Variants in DSCAM observed in about 807,000 individuals in gnomAD.
The protein encoded by DSCAM is cell adhesion molecule DSCAM.
DSCAM carries 47 observed loss-of-function variants against 217.7 expected under a neutral mutation model. The observed-to-expected ratio is 0.22, with a 90% CI of 0.17 to 0.28. The LOEUF is 0.28. DSCAM is among the 10% of genes least tolerant of loss of function. The probability of loss-of-function intolerance (pLI) is 1.00; values close to 1 mark genes in which losing one functional copy is unlikely to be tolerated. For synonymous variants in DSCAM, 1,056 were observed against 1,015.3 expected (o/e 1.04, Z -0.76); for missense variants, 2,080 against 2,618.3 (o/e 0.79, Z 4.49).
intron 3 of DSCAM, among the ~76,000 whole-genome samples, chr21:40,498,261 G>C (rs1483591549): frequency 6.6e-6 from 1 of 152,020 alleles, no homozygotes; most frequent in Non-Finnish European, 1.5e-5. Flanking sequence ...CCACCATTAC[G>C]AGCTGAGTAA....
At chr21:40,792,988 T>C (rs1335406271) in intron 1 of DSCAM, among the ~76,000 whole-genome samples, 1 of 152,236 alleles carries the variant, frequency 6.6e-6, no homozygotes, top group African/African-American at 2.4e-5. Context: ...TATTTAGTTC[T>C]TAGATGTATA....
chr21:40,507,815 A>T (rs1218751194), intron 3 of DSCAM, among the ~76,000 whole-genome samples: 1 of 152,064 alleles, frequency 6.6e-6, no homozygotes, highest in Non-Finnish European at 1.5e-5. Context: ...AATAAAAATA[A>T]CTTACATTCA....
chr21:40,799,895 C>T (rs936348748), intron 1 of DSCAM, among the ~76,000 whole-genome samples: 1 of 152,164 alleles, frequency 6.6e-6, no homozygotes, highest in Non-Finnish European at 1.5e-5. Context: ...GGAGACAGTA[C>T]ACTGCTTTGG....
intron 1 of DSCAM, among the ~76,000 whole-genome samples, chr21:40,754,262 T>A (rs950242558): frequency 2.6e-5 from 4 of 152,206 alleles, no homozygotes; most frequent in Admixed American, 2.6e-4. Flanking sequence ...TCCTTTCTAT[T>A]TTCTGCTAAT....
chr21:40,454,355 A>G (rs2145935283), intron 3 of DSCAM, among the ~76,000 whole-genome samples: 1 of 152,336 alleles, frequency 6.6e-6, no homozygotes, highest in Non-Finnish European at 1.5e-5. Flanking sequence ...TACAATGCCC[A>G]AATTGAAGGA....
In DSCAM at chr21:40,157,656, TC is replaced by T. The variant is rs1267953777; in HGVS notation, c.3018+9561del. On this transcript the variant is annotated intron_variant, in intron 16 of 32. Coordinates refer to ENST00000400454, the MANE Select transcript of DSCAM (RefSeq NM_001389.5). ...GGATTAAGAGGAGGATGGCATTCTT[TC>T]TCTAGAGCTAGGCTTTGTCTCTCTT... Among the ~76,000 whole-genome samples the T allele has an allele frequency of 3.3e-5, 5 of 152,008 alleles. No individual in the cohort carries two copies. In the East Asian group the frequency reaches 9.7e-4, roughly 29 times the overall value.
At chr21:40,410,890 T>C (rs2075316821) in intron 3 of DSCAM, among the ~76,000 whole-genome samples, 1 of 151,762 alleles carries the variant, frequency 6.6e-6, no homozygotes, top group South Asian at 2.1e-4. Flanking sequence ...GAAAAGAACA[T>C]CAGAAAAAAT....
intron 3 of DSCAM, among the ~76,000 whole-genome samples, chr21:40,526,818 G>GAAA (rs137955920): frequency 4.1e-3 from 594 of 145,744 alleles, no homozygotes; most frequent in African/African-American, 0.013. Flanking sequence ...AGTTAATTAA[G>GAAA]AAAAAAAAAA....
chr21:40,014,885 C>T (rs1018167240), intron 32 of DSCAM, among the ~76,000 whole-genome samples: 2 of 152,196 alleles, frequency 1.3e-5, no homozygotes, highest in East Asian at 1.9e-4. Context: ...GTTTCCTCTT[C>T]GTCCTCTTCC....
chr21:40,483,449 C>T (rs903121347), intron 3 of DSCAM, among the ~76,000 whole-genome samples: 1 of 152,088 alleles, frequency 6.6e-6, no homozygotes, highest in South Asian at 2.1e-4. Context: ...GTGTCACTGG[C>T]CAAACATTTC....
chr21:40,829,120 C>T (rs2091992902), intron 1 of DSCAM, among the ~76,000 whole-genome samples: 1 of 152,158 alleles, frequency 6.6e-6, no homozygotes, highest in African/African-American at 2.4e-5. Context: ...TAACTGAATC[C>T]CCCATCATCA....
intron 16 of DSCAM, among the ~76,000 whole-genome samples, chr21:40,165,526 C>G (rs1437840777): frequency 1.3e-5 from 2 of 152,182 alleles, no homozygotes; most frequent in African/African-American, 4.8e-5. Flanking sequence ...TTTAATAGTC[C>G]CACAACATTT....
chr21:40,166,306 A>C (rs1364769497), intron 16 of DSCAM, among the ~76,000 whole-genome samples: 3 of 152,234 alleles, frequency 2.0e-5, no homozygotes, highest in African/African-American at 7.2e-5. Context: ...ACAAGAAAAA[A>C]AATCACATGC....
At chr21:40,696,685 T>TA (rs2090599027) in intron 2 of DSCAM, among the ~76,000 whole-genome samples, 1 of 152,178 alleles carries the variant, frequency 6.6e-6, no homozygotes, top group African/African-American at 2.4e-5. Context: ...CTTCATTCAG[T>TA]AAAATCTGTC....
chr21:40,028,555 G>A (rs147501260), intron 32 of DSCAM, among the ~76,000 whole-genome samples: 4,449 of 152,106 alleles, frequency 0.029, 241 homozygotes, highest in African/African-American at 0.1. Context: ...CTCGTGGTGC[G>A]CCATGTTTTA....
At chr21:40,540,210 G>C (rs1003089495) in intron 3 of DSCAM, among the ~76,000 whole-genome samples, 1 of 151,868 alleles carries the variant, frequency 6.6e-6, no homozygotes, top group African/African-American at 2.4e-5. Flanking sequence ...AAAGCAGAAA[G>C]CAAAAAAACA....
intron 15 of DSCAM, among the ~76,000 whole-genome samples, chr21:40,169,957 C>T (rs2090637670): frequency 6.6e-6 from 1 of 152,142 alleles, no homozygotes; most frequent in Non-Finnish European, 1.5e-5. Context: ...TATTTAGTTC[C>T]TAAACATTAA....
intron 5 of DSCAM, among the ~76,000 whole-genome samples, chr21:40,350,153 C>A (rs1309502472): frequency 6.6e-6 from 1 of 152,046 alleles, no homozygotes; most frequent in African/African-American, 2.4e-5. Flanking sequence ...GGATTAAAGA[C>A]TTAAATGTAA....
chr21:40,166,069 G>A (rs1010585085), intron 16 of DSCAM, among the ~76,000 whole-genome samples: 3 of 152,220 alleles, frequency 2.0e-5, no homozygotes, highest in Middle Eastern at 3.4e-3. Context: ...CTGCATTAAC[G>A]CCCGTAATAC....
Sources: gnomAD v4.1 joint callset for allele counts (sites outside exome capture counted in the v4.1 genomes callset) on GRCh38, gnomAD v4.1.1 for gene constraint, MANE v1.5 for transcripts, NCBI Gene and HGNC (gene_info 2026-07-23, HGNC 2026-07-21) for gene names.